SLC12A1: variants seen among roughly 807,000 people sequenced by gnomAD.
The protein encoded by SLC12A1 is Na-K-2Cl cotransporter.
Under a neutral mutation model 130.4 loss-of-function variants are expected in SLC12A1, and 89 were observed. The ratio of observed to expected loss-of-function variants is 0.68; its 90% CI spans 0.58 to 0.81. The LOEUF is 0.81. Among genes scored for constraint, SLC12A1 ranks in the 40% least tolerant of loss-of-function variants. The pLI is 0.00. For synonymous variants in SLC12A1, 499 were observed against 460.0 expected (o/e 1.08, Z -1.09); for missense variants, 1,310 against 1,336.4 (o/e 0.98, Z 0.31).
At position 48,220,722 on chromosome 15, in the gene SLC12A1, A is replaced by T; in HGVS notation, c.509A>T (p.Asp170Val). The change falls in exon 3 of 27, where the codon GAT (aspartate) becomes GTT (valine). Residue 170 changes from aspartate to valine, a missense_variant. Physicochemically the swap from Asp to Val is radical, Grantham distance 152. Coordinates refer to ENST00000380993, the MANE Select transcript of SLC12A1 (RefSeq NM_000338.3). Reference sequence around the variant, plus strand: ...GAACAAGCTGAAAATAAGGAAGATGATCAAGCTGGTGTTGTGAAGTTTGGA... The same window carrying T: ...GAACAAGCTGAAAATAAGGAAGATGTTCAAGCTGGTGTTGTGAAGTTTGGA... ...GDEQAENKED[D>V]QAGVVKFGWV... The T allele has an allele frequency of 6.2e-7, 1 of 1,613,918 alleles. No individual in the cohort carries two copies. The highest frequency in any genetic ancestry group is 8.5e-7 in the Non-Finnish European group (1 of 1,179,852).
intron 4 of SLC12A1, chr15:48,225,417 G>A (rs760801367): frequency 1.3e-5 from 2 of 152,194 alleles, no homozygotes; most frequent in East Asian, 1.9e-4. Flanking sequence ...GTTTATAGGT[G>A]TCTATAACTT....
In SLC12A1 at chr15:48,256,332, C is replaced by T. The variant is rs114072283; in HGVS notation, c.2042+422C>T. Among the ~76,000 whole-genome samples, 631 of 152,256 alleles carry T rather than the reference C, an allele frequency of 4.1e-3. 3 individuals are homozygous for T. The highest frequency in any genetic ancestry group is 0.014 in the African/African-American group (592 of 41,530). On this transcript the variant is annotated intron_variant, in intron 16 of 26. Coordinates refer to ENST00000380993, the MANE Select transcript of SLC12A1 (RefSeq NM_000338.3). ...ATCTTATTTTGAATAAAACCTCAAG[C>T]GCAAGCTTGTATGAAGAATGAAAGA...
At chr15:48,251,873 G>A (rs2041652974) in intron 15 of SLC12A1, 103 bp downstream of exon 15, 4 of 955,556 alleles carry the variant, frequency 4.2e-6, no homozygotes, top group East Asian at 2.4e-5. Context: ...TGAGGCATAT[G>A]TAAGGTGGAT....
intron 18 of SLC12A1, among the ~76,000 whole-genome samples, chr15:48,268,416 T>C (rs1274241114): frequency 4.6e-5 from 7 of 152,152 alleles, no homozygotes; most frequent in African/African-American, 1.7e-4. Flanking sequence ...TTTAATATGG[T>C]TGAAAACCCT....
At chr15:48,289,425 ATATAAT>A (rs1210079891) in intron 23 of SLC12A1, among the ~76,000 whole-genome samples, 25 of 97,858 alleles carry the variant, frequency 2.6e-4, no homozygotes, top group South Asian at 1.3e-3. Flanking sequence ...ATATATATAT[ATATAAT>A]GTATAACTAT....
rs1211503564 is a variant in SLC12A1, at chr15:48,226,524, C to A, written c.677C>A (p.Thr226Asn). ...CTTTCCACCATGGTAACTTCTATTA[C>A]TGGGTTGTCAACTTCTGCGATAGCA... ...ILLSTMVTSI[T>N]GLSTSAIATN... Residue 226 changes from threonine (T) to asparagine (N), a missense_variant, in exon 5 of 27, where the codon ACT (threonine) becomes AAT (asparagine). Physicochemically the swap from Thr to Asn is moderately conservative, Grantham distance 65. Coordinates refer to ENST00000380993, the MANE Select transcript of SLC12A1 (RefSeq NM_000338.3). 2.5e-6 allele frequency: 4 copies of A among 1,609,808 alleles called. No individual in the cohort carries two copies. The highest frequency in any genetic ancestry group is 3.4e-6 in the Non-Finnish European group (4 of 1,178,236).
intron 19 of SLC12A1, among the ~76,000 whole-genome samples, chr15:48,272,168 C>T (rs2041905234): frequency 6.6e-6 from 1 of 152,050 alleles, no homozygotes; most frequent in South Asian, 2.1e-4. Context: ...TTAGGGTGAC[C>T]CAGATTTGTA....
At chr15:48,264,409 C>T (rs2041808898) in intron 17 of SLC12A1, among the ~76,000 whole-genome samples, 1 of 152,114 alleles carries the variant, frequency 6.6e-6, no homozygotes, top group African/African-American at 2.4e-5. Context: ...GAAGGCAGTT[C>T]AAGCCCTTAT....
At chr15:48,233,568 CTTCT>C (rs971396587) in intron 8 of SLC12A1, among the ~76,000 whole-genome samples, 1 of 152,092 alleles carries the variant, frequency 6.6e-6, no homozygotes, top group Non-Finnish European at 1.5e-5. Flanking sequence ...TGAAATTTGA[CTTCT>C]TTCTCTCCTT....
chr15:48,259,814 C>T (rs566689716), intron 17 of SLC12A1, among the ~76,000 whole-genome samples: 2 of 152,242 alleles, frequency 1.3e-5, no homozygotes, highest in East Asian at 3.9e-4. Flanking sequence ...CTTAGATAAA[C>T]ATTCAGAGCT....
At chr15:48,220,529 G>A in intron 2 of SLC12A1, 105 bp from the exon 3 acceptor site, 1 of 1,110,958 alleles carries the variant, frequency 9.0e-7, no homozygotes, top group Non-Finnish European at 1.2e-6. Flanking sequence ...GGGGTTTTTT[G>A]GTATTTTAAG....
At chr15:48,227,482 C>T in intron 5 of SLC12A1, 1 of 355,084 alleles carries the variant, frequency 2.8e-6, no homozygotes, top group Non-Finnish European at 5.3e-6. Context: ...CCCACTGGCT[C>T]TCTCGCAGGT....
chr15:48,295,267 G>A (rs1184315555), intron 24 of SLC12A1, among the ~76,000 whole-genome samples: 1 of 152,080 alleles, frequency 6.6e-6, no homozygotes, highest in Non-Finnish European at 1.5e-5. Flanking sequence ...ACTTAGCTAA[G>A]CATTATCAAT....
intron 20 of SLC12A1, among the ~76,000 whole-genome samples, chr15:48,276,509 C>A (rs1351447414): frequency 1.3e-5 from 2 of 152,118 alleles, no homozygotes; most frequent in Non-Finnish European, 2.9e-5. Flanking sequence ...AGGATACAGA[C>A]TGAGGGGTGA....
chr15:48,277,419 T>G (rs2141101389), intron 20 of SLC12A1, among the ~76,000 whole-genome samples: 1 of 151,532 alleles, frequency 6.6e-6, no homozygotes, highest in South Asian at 2.1e-4. Context: ...GAGTGGTAAA[T>G]TGAAGAAGAT....
Position 48,301,400 on chromosome 15 carries a change from C to G in SLC12A1, c.3164+18C>G. ...ATTGTCCTGTAAGTATCATTGCAAG[C>G]ATTGAAGAACATTAGAAATAAATCT... On this transcript the variant is annotated intron_variant, in intron 26 of 26. Transcript: ENST00000380993. The G allele has an allele frequency of 6.6e-7, 1 of 1,508,088 alleles. No individual in the cohort carries two copies. The highest frequency in any genetic ancestry group is 9.0e-7 in the Non-Finnish European group (1 of 1,104,980). 93.4% of individuals were successfully genotyped at this position (1,508,088 alleles called of 1,614,324 possible).
At chr15:48,296,340 TA>T (rs1325990135) in intron 24 of SLC12A1, among the ~76,000 whole-genome samples, 1 of 152,140 alleles carries the variant, frequency 6.6e-6, no homozygotes, top group Admixed American at 6.5e-5. Context: ...ATAAACATGG[TA>T]GGGCAAGGGT....
At chr15:48,301,447 T>C in intron 26 of SLC12A1, 65 bp downstream of exon 26, 1 of 1,128,114 alleles carries the variant, frequency 8.9e-7, no homozygotes, top group South Asian at 1.6e-5. Context: ...GGTTAATCCA[T>C]TTAAAAGCTT....
chr15:48,282,469 TA>T lies in SLC12A1; in HGVS notation c.2486-2636del, dbSNP rs563503707. ...GAGCATGGCAACCAGTGGCTAATCA[TA>T]GGGCGCACTGGAGCCTGCCCAAAAA... On this transcript the variant is annotated intron_variant, in intron 20 of 26. Transcript: ENST00000380993. Among the ~76,000 whole-genome samples the T allele has an allele frequency of 3.4e-4, 51 of 152,154 alleles. No individual in the cohort carries two copies. In the East Asian group the frequency reaches 7.4e-3, roughly 22 times the overall value.
Sources: allele counts gnomAD v4.1 joint callset (sites outside exome capture counted in the v4.1 genomes callset), GRCh38; gene constraint gnomAD v4.1.1; transcripts MANE v1.5; gene names NCBI Gene and HGNC (gene_info 2026-07-23, HGNC 2026-07-21).